The following THRAP3 variants were observed in gnomAD, a reference collection of about 807,000 sequenced individuals.
THRAP3 encodes thyroid hormone receptor associated protein 3, also known as thyroid hormone receptor-associated protein 3.
Under a neutral mutation model 101.0 loss-of-function variants are expected in THRAP3, and 16 were observed. The ratio of observed to expected loss-of-function variants is 0.16; its 90% CI spans 0.11 to 0.24. The LOEUF (loss-of-function observed/expected upper bound fraction) is 0.24. Among genes scored for constraint, THRAP3 ranks in the 10% least tolerant of loss-of-function variants. The pLI is 1.00. For synonymous variants in THRAP3, 407 were observed against 422.6 expected (o/e 0.96, Z 0.45); for missense variants, 989 against 1,202.7 (o/e 0.82, Z 2.63).
chr1:36,212,179 T>G, the THRAP3 span, among the ~76,000 whole-genome samples: 1 of 152,114 alleles, frequency 6.6e-6, no homozygotes, highest in African/African-American at 2.4e-5. Context: ...GAGATGACCA[T>G]TAACAAGTCC....
intron 1 of THRAP3, among the ~76,000 whole-genome samples, chr1:36,230,557 C>G (rs1645017316): frequency 6.6e-6 from 1 of 152,202 alleles, no homozygotes; most frequent in Non-Finnish European, 1.5e-5. Flanking sequence ...GCCACCGCGC[C>G]CGGCCTAGAA....
chr1:36,295,609 T>TTCCCTCCCTTCC (rs1404891736), intron 8 of THRAP3, among the ~76,000 whole-genome samples: 2 of 134,084 alleles, frequency 1.5e-5, no homozygotes, highest in East Asian at 5.5e-4. Context: ...CCCTTCCTTC[T>TTCCCTCCCTTCC]TCCCTCCCTT....
chr1:36,210,834 C>A, the THRAP3 span, among the ~76,000 whole-genome samples: 263 of 143,658 alleles, frequency 1.8e-3, no homozygotes, highest in Non-Finnish European at 3.4e-3. Context: ...GAATCAACTT[C>A]AAAAAAATAG....
rs1489683852 is a variant in THRAP3 at position 36,286,658 on chromosome 1, C to G, written c.428C>G (p.Ser143Cys). ...RSPSPRSRSHSRNSDKSSSDR... is the reference protein window; with the variant it reads ...RSPSPRSRSHCRNSDKSSSDR... ...CCTTCACCAAGGTCCAGGAGCCATT[C>G]TAGAAACTCTGATAAGTCGTCTTCT... Residue 143 changes from serine to cysteine, a missense_variant, in exon 4 of 12, where the codon TCT becomes TGT. Ser to Cys is a moderately radical substitution (Grantham distance 112). Coordinates refer to ENST00000354618, the MANE Select transcript of THRAP3 (RefSeq NM_005119.4). This position sits in a 1 kb window ranked among gnomAD's most constrained non-coding sequence, Gnocchi z 5.5. 6.2e-7 allele frequency: 1 copy of G among 1,614,086 alleles called. No homozygotes were observed. Among genetic ancestry groups the G allele is most frequent in the African/African-American group, 1.3e-5 (1 of 74,938 alleles).
intron 1 of THRAP3, among the ~76,000 whole-genome samples, chr1:36,231,462 A>G (rs1645027020): frequency 6.6e-6 from 1 of 152,218 alleles, no homozygotes; most frequent in Non-Finnish European, 1.5e-5. Context: ...TAGAAGGCCA[A>G]GCAGAGTTGT....
At chr1:36,223,294 T>C (rs1177174758), upstream of THRAP3, among the ~76,000 whole-genome samples, 1 of 152,200 alleles carries the variant, frequency 6.6e-6, no homozygotes, top group Non-Finnish European at 1.5e-5. Flanking sequence ...TGGCGTGGTC[T>C]GCTACTTGAG....
intron 2 of THRAP3, 52 bp from the exon 3 acceptor site, chr1:36,282,481 C>G: frequency 7.4e-7 from 1 of 1,346,248 alleles, no homozygotes; most frequent in East Asian, 2.4e-5. Context: ...CAAAGAGGTT[C>G]ACATTTGCAA....
At chr1:36,274,061 G>C (rs1261055405) in intron 2 of THRAP3, among the ~76,000 whole-genome samples, 3 of 130,524 alleles carry the variant, frequency 2.3e-5, no homozygotes, top group Non-Finnish European at 4.7e-5. Flanking sequence ...AAAAAAGACT[G>C]TGTGTGTGTG....
chr1:36,276,299 C>T (rs906298529), intron 2 of THRAP3, among the ~76,000 whole-genome samples: 4 of 148,308 alleles, frequency 2.7e-5, no homozygotes, highest in South Asian at 2.1e-4. Flanking sequence ...GCCAGGCAGG[C>T]GGGTCATGAG....
Position 36,282,525 on chromosome 1 carries a change from T to TA in THRAP3, c.-31-7dup. ...ACTCATTTGTTCTAATGCATTTTCT[T>TA]ACATTAGGTGTAATTGAAAAGTGAT... On this transcript the variant is annotated splice_polypyrimidine_tract_variant and splice_region_variant and intron_variant, in intron 2 of 11. Coordinates refer to ENST00000354618, the MANE Select transcript of THRAP3 (RefSeq NM_005119.4). 1 of 1,598,354 alleles carries TA rather than the reference T, an allele frequency of 6.3e-7. No homozygotes were observed. The highest frequency in any genetic ancestry group is 8.5e-7 in the Non-Finnish European group (1 of 1,169,606).
At chr1:36,242,728 G>T (rs1039928501) in intron 1 of THRAP3, among the ~76,000 whole-genome samples, 3 of 152,188 alleles carry the variant, frequency 2.0e-5, no homozygotes, top group South Asian at 2.1e-4. Context: ...TGGGATTACA[G>T]GCGTGAGCCA....
intron 4 of THRAP3, chr1:36,288,534 T>C (rs1485276313): frequency 1.0e-6 from 1 of 985,358 alleles, no homozygotes; most frequent in African/African-American, 1.7e-5. Flanking sequence ...ATTTTGTTTT[T>C]ATTTGTGTTC....
At chr1:36,232,758 C>T (rs1645041867) in intron 1 of THRAP3, among the ~76,000 whole-genome samples, 1 of 152,080 alleles carries the variant, frequency 6.6e-6, no homozygotes, top group Non-Finnish European at 1.5e-5. Context: ...ATAATTTGTA[C>T]AGTGGTAGGT....
intron 9 of THRAP3, among the ~76,000 whole-genome samples, chr1:36,300,073 A>C (rs373456997): frequency 6.6e-6 from 1 of 152,176 alleles, no homozygotes; most frequent in East Asian, 1.9e-4. Flanking sequence ...GGTATTCAGT[A>C]ACCTCCACTA....
intron 7 of THRAP3, among the ~76,000 whole-genome samples, chr1:36,293,046 T>TTTTTTTTTTA (rs1645897827): frequency 6.9e-6 from 1 of 144,224 alleles, no homozygotes; most frequent in Non-Finnish European, 1.5e-5. Context: ...TTTTTTTTTT[T>TTTTTTTTTTA]GAGATGGAGT....
At chr1:36,301,400 A>G (rs529850518) in intron 10 of THRAP3, among the ~76,000 whole-genome samples, 153 bp from the exon 11 acceptor site, 4 of 152,360 alleles carry the variant, frequency 2.6e-5, no homozygotes, top group African/African-American at 9.6e-5. Context: ...TGAGATGAGC[A>G]GAAAGGGAAT....
chr1:36,258,576 C>T (rs912395657), intron 1 of THRAP3, among the ~76,000 whole-genome samples: 2 of 152,178 alleles, frequency 1.3e-5, no homozygotes, highest in Non-Finnish European at 2.9e-5. Context: ...CCTGGGTTCA[C>T]GCCACTCTCC....
At chr1:36,208,820 C>T in the THRAP3 span, among the ~76,000 whole-genome samples, 1 of 152,140 alleles carries the variant, frequency 6.6e-6, no homozygotes, top group South Asian at 2.1e-4. Flanking sequence ...GCATGCACCA[C>T]CATGCCCAGC....
In THRAP3 at chr1:36,292,606, T is replaced by G; in HGVS notation, c.1927T>G (p.Phe643Val). Reference sequence around the variant, plus strand: ...TCTTTTAATCCCAACAGAGCATCACTTTGGGTCCTCAGGAATGACATTACA... The same window carrying G: ...TCTTTTAATCCCAACAGAGCATCACGTTGGGTCCTCAGGAATGACATTACA... ...TIVHHVKEHH[F>V]GSSGMTLHER... Residue 643 changes from phenylalanine to valine, a missense_variant, in exon 7 of 12, where the codon TTT becomes GTT. Phe to Val is a conservative substitution (Grantham distance 50, BLOSUM62 -1). Transcript: ENST00000354618. The G allele has an allele frequency of 6.2e-7, 1 of 1,613,116 alleles. No individual in the cohort carries two copies. The highest frequency in any genetic ancestry group is 8.5e-7 in the Non-Finnish European group (1 of 1,179,446).
Sources: gnomAD v4.1 joint callset for allele counts (sites outside exome capture counted in the v4.1 genomes callset) on GRCh38, gnomAD v4.1.1 for gene constraint, Gnocchi (gnomAD v3.1) non-coding constraint, MANE v1.5 for transcripts, NCBI Gene and HGNC (gene_info 2026-07-23, HGNC 2026-07-21) for gene names.